The following ACTN1 variants were observed in gnomAD, a reference collection of about 807,000 sequenced individuals.
ACTN1 encodes alpha-actinin-1.
In ACTN1, 30 loss-of-function variants were observed where a neutral mutation model predicts 119.6. The ratio of observed to expected loss-of-function variants is 0.25; its 90% CI spans 0.19 to 0.34. The LOEUF (loss-of-function observed/expected upper bound fraction) is 0.34. ACTN1 is among the 10% of genes least tolerant of loss of function. The pLI, the probability that ACTN1 is intolerant of heterozygous loss-of-function variation, is 1.00. For missense variants in ACTN1, 764 were observed against 1,223.4 expected (o/e 0.62, Z 5.60); for synonymous variants, 429 against 472.6 (o/e 0.91, Z 1.20).
Position 68,875,007 on chromosome 14 carries a change from G to C in ACTN1, c.2597C>G (p.Thr866Ser). 6.2e-7 allele frequency: 1 copy of C among 1,613,430 alleles called. No individual in the cohort carries two copies. The highest frequency in any genetic ancestry group is 8.5e-7 in the Non-Finnish European group (1 of 1,180,022). The stretch of plus-strand genomic sequence containing the variant: ...CAGCTCGCGGCGCAGCTCGTCCATG[G>C]TAATGTAGTTCTGCGAGGAGAGAGT... ...KILAGDKNYI[T>S]MDELRRELPP... The change falls in exon 22 of 22, where the codon ACC (threonine) becomes AGC (serine). Residue 866 changes from threonine to serine, a missense_variant. Transcript: ENST00000394419.
intron 1 of ACTN1, among the ~76,000 whole-genome samples, chr14:68,945,646 G>A (rs1050655185): frequency 6.6e-6 from 1 of 152,160 alleles, no homozygotes; most frequent in South Asian, 2.1e-4. Flanking sequence ...AGAAGCAGGT[G>A]GATACAAGAG....
chr14:68,920,435 C>T lies in ACTN1; in HGVS notation c.340+571G>A, dbSNP rs2034573686. On this transcript the variant is annotated intron_variant, in intron 3 of 21. Coordinates refer to ENST00000394419, the MANE Select transcript of ACTN1 (RefSeq NM_001130004.2). ...ACTCTCAATTTTTCAGAGCCACCAC[C>T]ATGCACACAAGAAATTACACTACCT... Among the ~76,000 whole-genome samples, 3 of 152,212 alleles carry T rather than the reference C, an allele frequency of 2.0e-5. No homozygotes were observed. In the South Asian group the frequency reaches 6.2e-4, roughly 32 times the overall value.
intron 1 of ACTN1, among the ~76,000 whole-genome samples, chr14:68,932,803 T>G (rs958394224): frequency 2.0e-5 from 3 of 152,116 alleles, no homozygotes; most frequent in Non-Finnish European, 2.9e-5. Flanking sequence ...GTATGCATCA[T>G]AGATGTTCAG....
intron 8 of ACTN1, among the ~76,000 whole-genome samples, chr14:68,899,981 G>A (rs2033203838): frequency 6.6e-6 from 1 of 152,124 alleles, no homozygotes; most frequent in African/African-American, 2.4e-5. Flanking sequence ...ATGTGGGAAG[G>A]ACAAAGAGGA....
chr14:68,920,838 G>A (rs998308288), intron 3 of ACTN1, among the ~76,000 whole-genome samples, 168 bp downstream of exon 3: 2 of 152,208 alleles, frequency 1.3e-5, no homozygotes, highest in Admixed American at 6.5e-5. Flanking sequence ...GAAGAAAAGC[G>A]CTGTTGCAAT....
intron 1 of ACTN1, chr14:68,973,875 T>C (rs2012785): frequency 0.19 from 28,287 of 152,218 alleles, 2,788 homozygotes; most frequent in Non-Finnish European, 0.22. Flanking sequence ...GTTTCCTCTG[T>C]GCCTGGCCTC....
intron 14 of ACTN1, 46 bp from the exon 15 acceptor site, chr14:68,883,101 C>A: frequency 6.3e-7 from 1 of 1,592,406 alleles, no homozygotes; most frequent in Non-Finnish European, 8.6e-7. Context: ...AAAGGGAGCG[C>A]TAGAAGTGAG....
At chr14:68,970,654 A>G (rs2036854406) in intron 1 of ACTN1, among the ~76,000 whole-genome samples, 1 of 152,258 alleles carries the variant, frequency 6.6e-6, no homozygotes, top group South Asian at 2.1e-4. Flanking sequence ...CAGCACCAGA[A>G]GAGGCCACCA....
At chr14:68,949,603 G>A (rs543622145) in intron 1 of ACTN1, among the ~76,000 whole-genome samples, 1 of 152,274 alleles carries the variant, frequency 6.6e-6, no homozygotes, top group South Asian at 2.1e-4. Context: ...TACTTTCTGA[G>A]CATATACACA....
chr14:68,959,933 A>C (rs2140596945), intron 1 of ACTN1, among the ~76,000 whole-genome samples: 1 of 152,380 alleles, frequency 6.6e-6, no homozygotes, highest in South Asian at 2.1e-4. Flanking sequence ...TATAACATAA[A>C]CATTTGATTA....
chr14:68,963,731 C>G (rs1333313248), intron 1 of ACTN1, among the ~76,000 whole-genome samples: 2 of 152,212 alleles, frequency 1.3e-5, no homozygotes, highest in African/African-American at 4.8e-5. Context: ...CATTTCTTCT[C>G]CGCTTGTCCT....
chr14:68,907,434 TGC>T, intron 6 of ACTN1, among the ~76,000 whole-genome samples: 1 of 137,450 alleles, frequency 7.3e-6, no homozygotes, highest in East Asian at 2.2e-4. Context: ...CGTGCTGGCG[TGC>T]GCCTGTAATC....
rs1470652224 is a variant in ACTN1, at chr14:68,885,655, C to T, written c.1235-80G>A. On this transcript the variant is annotated intron_variant, in intron 11 of 21. Coordinates refer to ENST00000394419, the MANE Select transcript of ACTN1 (RefSeq NM_001130004.2). The surrounding 1 kb of genome is among the most constrained non-coding windows in gnomAD (Gnocchi z 5.6). ...CCCAACCGCCCACCCCTCAGGGCCC[C>T]AGGAGCTCCACTTCTGGGGGTGCTT... 10 of 1,501,660 alleles carry T rather than the reference C, an allele frequency of 6.7e-6. No individual in the cohort carries two copies. The highest frequency in any genetic ancestry group is 9.0e-6 in the Non-Finnish European group (10 of 1,112,380). The allele number at this position is 1,501,660 out of a possible 1,614,324, so 93.0% of individuals were successfully genotyped here. A position where few individuals can be genotyped will look rare whatever the true frequency, so the allele number is the denominator to read the frequency against.
chr14:68,964,481 T>C (rs1488752844), intron 1 of ACTN1, among the ~76,000 whole-genome samples: 2 of 152,050 alleles, frequency 1.3e-5, no homozygotes, highest in Admixed American at 6.5e-5. Flanking sequence ...ATGAGGGGCC[T>C]CCCTTCTCCA....
At position 68,884,761 on chromosome 14, in the gene ACTN1, C is replaced by A. The variant is rs764762261; in HGVS notation, c.1494+14G>T. On this transcript the variant is annotated intron_variant, in intron 13 of 21. Coordinates refer to ENST00000394419, the MANE Select transcript of ACTN1 (RefSeq NM_001130004.2). ...GCCGGATATGGGCCTAGATCTCCCT[C>A]TGGGACCTCTCACCTCCAGAGCTTC... 5 of 1,596,342 alleles carry A rather than the reference C, an allele frequency of 3.1e-6. No individual in the cohort carries two copies. The Admixed American group carries it at 8.3e-5, about 27-fold the overall frequency.
At chr14:68,968,106 C>T (rs775596486) in intron 1 of ACTN1, among the ~76,000 whole-genome samples, 30 of 152,306 alleles carry the variant, frequency 2.0e-4, no homozygotes, top group Non-Finnish European at 2.9e-4. Context: ...GGGCAGCAGG[C>T]AAGGGACCAG....
intron 7 of ACTN1, among the ~76,000 whole-genome samples, chr14:68,903,033 CATT>C: frequency 6.6e-6 from 1 of 152,154 alleles, no homozygotes; most frequent in Non-Finnish European, 1.5e-5. Context: ...ATAACTTTAT[CATT>C]GACTAAGAAA....
chr14:68,925,321 T>A lies in ACTN1; in HGVS notation c.220+237A>T, dbSNP rs1158209539. On this transcript the variant is annotated intron_variant, in intron 2 of 21. Transcript: ENST00000394419. The surrounding 1 kb of genome is among the most constrained non-coding windows in gnomAD (Gnocchi z 4.3). ...GGAACCTCAGTTCCTTCAAACCCTT[T>A]TTTTTTTTTTTTTTTTTTTTAAAAC... 7.2e-6 allele frequency among the ~76,000 whole-genome samples: 1 copy of A among 139,782 alleles called. No homozygotes were observed. Among genetic ancestry groups the A allele is most frequent in the Non-Finnish European group, 1.5e-5 (1 of 65,702 alleles). 91.7% of individuals were successfully genotyped at this position (139,782 alleles called of 152,430 possible).
Position 68,883,008 on chromosome 14 carries a change from G to T in ACTN1, c.1683C>A (p.Ala561=). 1 of 1,614,146 alleles carries T rather than the reference G, an allele frequency of 6.2e-7. No individual in the cohort carries two copies. The highest frequency in any genetic ancestry group is 8.5e-7 in the Non-Finnish European group (1 of 1,180,034). ...HEQFKATLPD[A]DKERLAILGI... ...CCAGGATGGCCAGGCGCTCCTTGTC[G>T]GCATCAGGGAGGGTGGCCTTGAACT... Residue 561 remains alanine (A), a synonymous_variant, in exon 15 of 22, where the codon GCC becomes GCA. Transcript: ENST00000394419.
Sources: allele counts gnomAD v4.1 joint callset (sites outside exome capture counted in the v4.1 genomes callset), GRCh38; gene constraint gnomAD v4.1.1; non-coding constraint Gnocchi (gnomAD v3.1); transcripts MANE v1.5; gene names NCBI Gene and HGNC (gene_info 2026-07-23, HGNC 2026-07-21).